RGMA: variants seen among roughly 807,000 people sequenced by gnomAD.
RGMA encodes repulsive guidance molecule A.
In RGMA, 10 loss-of-function variants were observed where a neutral mutation model predicts 23.2. That is an observed-to-expected ratio of 0.43 (90% CI 0.27 to 0.73). The LOEUF (loss-of-function observed/expected upper bound fraction) is 0.73. RGMA is among the 30% of genes least tolerant of loss of function. The pLI, the probability that RGMA is intolerant of heterozygous loss-of-function variation, is 0.20. For synonymous variants in RGMA, 308 were observed against 279.3 expected (o/e 1.10, Z -1.03); for missense variants, 547 against 630.5 (o/e 0.87, Z 1.42).
intron 3 of RGMA, among the ~76,000 whole-genome samples, chr15:93,051,255 T>G (rs2054914144): frequency 6.6e-6 from 1 of 152,042 alleles, no homozygotes; most frequent in South Asian, 2.1e-4. Context: ...GAAACGCCCT[T>G]GTGGTAAATC....
chr15:93,052,248 T>A lies in RGMA; in HGVS notation c.390A>T (p.Pro130=). ...PTSQPRLRTL[P]PAGDSQERSD... ...AGCGCTCCTGGCTGTCTCCGGCCGG[T>A]GGGAGCGTGCGCAGGCGTGGCTGCG... The change falls in exon 3 of 4, where the codon CCA becomes CCT. Residue 130 remains proline, a synonymous_variant. Transcript: ENST00000329082. 1 of 1,605,802 alleles carries A rather than the reference T, an allele frequency of 6.2e-7. No homozygotes were observed. The highest frequency in any genetic ancestry group is 8.5e-7 in the Non-Finnish European group (1 of 1,175,048).
At chr15:93,087,289 C>A (rs1895649884) in intron 1 of RGMA, among the ~76,000 whole-genome samples, 1 of 152,100 alleles carries the variant, frequency 6.6e-6, no homozygotes, top group Admixed American at 6.5e-5. Flanking sequence ...AAAAACCAGC[C>A]ACAGAGAACG....
intron 1 of RGMA, among the ~76,000 whole-genome samples, chr15:93,085,509 A>G (rs1343589974): frequency 2.6e-5 from 4 of 152,250 alleles, no homozygotes; most frequent in Admixed American, 6.5e-5. Flanking sequence ...AAAATGAGAA[A>G]AGTAAATCCA....
chr15:93,058,761 C>G lies in RGMA; in HGVS notation c.131-6254G>C, dbSNP rs184945651. 2.9e-3 allele frequency among the ~76,000 whole-genome samples: 443 copies of G among 151,638 alleles called. 7 individuals carry two copies. The highest frequency in any genetic ancestry group is 2.7e-3 in the Non-Finnish European group (180 of 67,906). ...AGCTGCATTCTCCTCTTCCTTCACA[C>G]CTCTCGGATTTCCACACGCTCCATA... On this transcript the variant is annotated intron_variant, in intron 2 of 3. Coordinates refer to ENST00000329082, the MANE Select transcript of RGMA (RefSeq NM_020211.3).
chr15:93,060,905 G>C (rs556102918), intron 2 of RGMA, among the ~76,000 whole-genome samples: 1 of 152,214 alleles, frequency 6.6e-6, no homozygotes, highest in Non-Finnish European at 1.5e-5. Flanking sequence ...AGGAAAGGCT[G>C]AAGTAGGGCG....
At chr15:93,067,365 A>T (rs1386813410) in intron 2 of RGMA, among the ~76,000 whole-genome samples, 1 of 152,212 alleles carries the variant, frequency 6.6e-6, no homozygotes. Context: ...AGGGCCCTGT[A>T]GTTCCCAGGA....
intron 2 of RGMA, chr15:93,065,684 G>T: frequency 8.8e-7 from 1 of 1,139,114 alleles, no homozygotes; most frequent in Non-Finnish European, 1.3e-6. Flanking sequence ...CCTCTCTGCT[G>T]GAAGTAGGGG....
In RGMA at chr15:93,045,216, C is replaced by T. The variant is rs1481967383; in HGVS notation, c.1135G>A (p.Val379Ile). The T allele has an allele frequency of 6.8e-6, 11 of 1,612,130 alleles. No homozygotes were observed. In the African/African-American group the frequency reaches 1.1e-4, roughly 16 times the overall value. Residue 379 changes from valine (V) to isoleucine (I), a missense_variant, in exon 4 of 4, where the codon GTC (valine) becomes ATC (isoleucine). Physicochemically the swap from Val to Ile is conservative, Grantham distance 29. This residue lies in a region of RGMA where 205 missense variants were observed against 204.1 expected (regional missense o/e 1.00). Transcript: ENST00000329082. The surrounding 1 kb of genome is among the most constrained non-coding windows in gnomAD (Gnocchi z 6.9). ...TCGCCCGTGGTGAGGAGGTCGAAGA[C>T]GCAGGCCTGGTAGTACAGGTCCTCC... The part of the protein sequence containing the change: ...PVEDLYYQAC[V>I]FDLLTTGDVN...
intron 2 of RGMA, among the ~76,000 whole-genome samples, chr15:93,053,880 T>G (rs2054969042): frequency 6.6e-6 from 1 of 152,176 alleles, no homozygotes; most frequent in South Asian, 2.1e-4. Flanking sequence ...GATACCTAAG[T>G]GAACACTTTG....
chr15:93,046,011 A>AT, intron 3 of RGMA, among the ~76,000 whole-genome samples: 1 of 152,352 alleles, frequency 6.6e-6, no homozygotes, highest in South Asian at 2.1e-4. Context: ...AAAAGCATAG[A>AT]TAATTAAAAA....
rs185186748 is a variant in RGMA, at chr15:93,040,532, G to C, written c.*4466C>G. The C allele has an allele frequency of 2.0e-5, 3 of 152,290 alleles. No individual in the cohort carries two copies. Among genetic ancestry groups the C allele is most frequent in the Admixed American group, 2.0e-4 (3 of 15,290 alleles). 9.4% of individuals were successfully genotyped at this position (152,290 alleles called of 1,614,324 possible). ...GAAATTCATGCAGGTGAGCTAGTCG[G>C]AGGCCTCCCCTTAACCCCACCACAG... On this transcript the variant is annotated 3_prime_UTR_variant, in exon 4 of 4. Transcript: ENST00000329082.
At chr15:93,046,434 C>T (rs1441196151) in intron 3 of RGMA, among the ~76,000 whole-genome samples, 1 of 152,168 alleles carries the variant, frequency 6.6e-6, no homozygotes, top group Non-Finnish European at 1.5e-5. Flanking sequence ...CAACTTCCGG[C>T]CTCCACAATT....
chr15:93,052,642 G>T, intron 2 of RGMA, 135 bp from the exon 3 acceptor site: 1 of 1,036,874 alleles, frequency 9.6e-7, no homozygotes, highest in African/African-American at 1.6e-5. Flanking sequence ...CACAGATGGT[G>T]AAAAATTTCC....
chr15:93,065,767 C>T (rs1895123867), intron 2 of RGMA: 2 of 1,140,454 alleles, frequency 1.8e-6, no homozygotes, highest in Non-Finnish European at 2.6e-6. Flanking sequence ...CTCACCGTCC[C>T]CACCTTCCGT....
Position 93,038,620 on chromosome 15 carries a change from G to A in RGMA, c.*6378C>T, listed in dbSNP as rs1025433960. Reference sequence around the variant, plus strand: ...TCTTGCTCTGTCGCCCAGGCTGGAGGCTGGAGTGCAGTGGTGCGATCTCTG... The same window carrying A: ...TCTTGCTCTGTCGCCCAGGCTGGAGACTGGAGTGCAGTGGTGCGATCTCTG... On this transcript the variant is annotated 3_prime_UTR_variant, in exon 4 of 4. Coordinates refer to ENST00000329082, the MANE Select transcript of RGMA (RefSeq NM_020211.3). The A allele has an allele frequency of 1.4e-5, 2 of 141,744 alleles. No individual in the cohort carries two copies. Among genetic ancestry groups the A allele is most frequent in the Non-Finnish European group, 3.1e-5 (2 of 64,164 alleles). 8.8% of individuals were successfully genotyped at this position (141,744 alleles called of 1,614,324 possible). A position where few individuals can be genotyped will look rare whatever the true frequency, so the allele number is the denominator to read the frequency against.
intron 1 of RGMA, among the ~76,000 whole-genome samples, chr15:93,084,325 T>G (rs1442870712): frequency 6.6e-6 from 1 of 152,236 alleles, no homozygotes; most frequent in Non-Finnish European, 1.5e-5. Context: ...GATGAGCATT[T>G]GAACGGGCAG....
chr15:93,058,728 AG>A (rs2055053532), intron 2 of RGMA, among the ~76,000 whole-genome samples: 1 of 143,020 alleles, frequency 7.0e-6, no homozygotes, highest in Non-Finnish European at 1.5e-5. Context: ...CACAGCCCTC[AG>A]CCCCCAAGCT....
intron 2 of RGMA, among the ~76,000 whole-genome samples, chr15:93,060,482 A>T (rs4778082): frequency 6.6e-6 from 1 of 151,924 alleles, no homozygotes; most frequent in Non-Finnish European, 1.5e-5. Flanking sequence ...TGAGGGACTC[A>T]GCTTAAGCGG....
In RGMA at chr15:93,044,973, C is replaced by T. The variant is rs768583626; in HGVS notation, c.*25G>A. 1.1e-5 allele frequency: 17 copies of T among 1,547,702 alleles called. No individual in the cohort carries two copies. The highest frequency in any genetic ancestry group is 9.2e-5 in the Admixed American group (5 of 54,598). On this transcript the variant is annotated 3_prime_UTR_variant, in exon 4 of 4. Coordinates refer to ENST00000329082, the MANE Select transcript of RGMA (RefSeq NM_020211.3). ...ATGGGGAAGCCGAGAGGACGGAGCC[C>T]GCGCCTCCCTCCACATCTACGCGTC...
Sources: gnomAD v4.1 joint callset for allele counts (sites outside exome capture counted in the v4.1 genomes callset) on GRCh38, gnomAD v4.1.1 for gene constraint, gnomAD v4.1.1 regional missense constraint, Gnocchi (gnomAD v3.1) non-coding constraint, MANE v1.5 for transcripts, NCBI Gene and HGNC (gene_info 2026-07-23, HGNC 2026-07-21) for gene names.